Variants in DNAI2 observed in about 807,000 individuals in gnomAD.
DNAI2 encodes dynein, axonemal, intermediate polypeptide 2.
DNAI2 carries 63 observed loss-of-function variants against 74.7 expected under a neutral mutation model. The observed-to-expected ratio is 0.84, with a 90% confidence interval of 0.69 to 1.04. The LOEUF (loss-of-function observed/expected upper bound fraction) is 1.04, where lower values mean the gene tolerates loss of function less well. Ranked by LOEUF, DNAI2 falls within the 50% of genes least tolerant of loss-of-function variation. The pLI is 0.00. For synonymous variants in DNAI2, 289 were observed against 314.9 expected, an observed-to-expected ratio of 0.92 and a Z score of 0.87; for missense variants, 688 against 803.2, an observed-to-expected ratio of 0.86 and a Z score of 1.73.
At chr17:74,289,010 G>A (rs1361175748) in intron 4 of DNAI2, among the ~76,000 whole-genome samples, 1 of 152,218 alleles carries the variant, frequency 6.6e-6, no homozygotes, top group Non-Finnish European at 1.5e-5. Context: ...TACCACGACT[G>A]ACTTAGGGGC....
In DNAI2 at chr17:74,314,010, C is replaced by T. The variant is rs2053682946; in HGVS notation, c.1723-111C>T. The stretch of plus-strand genomic sequence containing the variant: ...CCGGGTTCCAGGGTGCTCAGCGACC[C>T]AGGCTTCAGCCATTTGGCTGCTTTG... On this transcript the variant is annotated intron_variant, in intron 12 of 13. Coordinates refer to ENST00000311014, the MANE Select transcript of DNAI2 (RefSeq NM_023036.6). The T allele has an allele frequency of 6.3e-6, 10 of 1,584,258 alleles. No individual in the cohort carries two copies. The Admixed American group carries it at 1.2e-4, about 19-fold the overall frequency.
Position 74,313,635 on chromosome 17 carries a change from A to C in DNAI2, c.1723-486A>C, listed in dbSNP as rs927237173. ...AGAAGTTGAGCCTTGGAAGGGGTTC[A>C]GGTTCACAGAACTTGGCCCCTTCCT... is the stretch of plus-strand genomic sequence containing the variant. On this transcript the variant is annotated intron_variant, in intron 12 of 13. Transcript: ENST00000311014. Among the ~76,000 whole-genome samples, 10 of 152,246 alleles carry C rather than the reference A, an allele frequency of 6.6e-5. 1 individual carries two copies. The highest frequency in any genetic ancestry group is 2.4e-4 in the African/African-American group (10 of 41,474).
intron 4 of DNAI2, among the ~76,000 whole-genome samples, chr17:74,288,895 G>A (rs1270132767): frequency 6.6e-6 from 1 of 152,166 alleles, no homozygotes; most frequent in Non-Finnish European, 1.5e-5. Context: ...CTGTGGACCT[G>A]GGGCAGAGGA....
chr17:74,303,837 G>T (rs1598326212), intron 8 of DNAI2, among the ~76,000 whole-genome samples: 1 of 152,036 alleles, frequency 6.6e-6, no homozygotes, highest in Non-Finnish European at 1.5e-5. Flanking sequence ...AAATAAAAAA[G>T]CTGGGGGGCC....
chr17:74,304,186 CTTTTTTTTTTT>C (rs56696514), intron 8 of DNAI2, among the ~76,000 whole-genome samples: 7 of 67,630 alleles, frequency 1.0e-4, no homozygotes, highest in Admixed American at 7.9e-4. Context: ...TTTCTTTTTT[CTTTTTTTTTTT>C]TTTTTTTTTT....
intron 12 of DNAI2, among the ~76,000 whole-genome samples, chr17:74,312,931 G>A (rs1186918823): frequency 6.6e-6 from 1 of 152,206 alleles, no homozygotes; most frequent in Non-Finnish European, 1.5e-5. Context: ...AAGAGCCAAA[G>A]AGCAGCGTGG....
intron 12 of DNAI2, 46 bp from the exon 13 acceptor site, chr17:74,314,075 C>T (rs759710323): frequency 1.2e-6 from 2 of 1,611,788 alleles, no homozygotes; most frequent in South Asian, 2.2e-5. Context: ...TGGGGAAGGC[C>T]TGTCCCCTAC....
rs745715756 is a variant in DNAI2 at position 74,301,202 on chromosome 17, C to T, written c.987+34C>T. The T allele has an allele frequency of 3.7e-6, 6 of 1,611,688 alleles. No individual in the cohort carries two copies. In the African/African-American group the frequency reaches 8.0e-5, roughly 22 times the overall value. On this transcript the variant is annotated intron_variant, in intron 8 of 13. Transcript: ENST00000311014. ...CCCTTGCTGTCCCTTCCCCGACTTG[C>T]ATTGACAGGGCAGCCAGGGCTAAAG... is the stretch of plus-strand genomic sequence containing the variant.
chr17:74,309,697 G>T (rs949697219), intron 10 of DNAI2: 12 of 644,670 alleles, frequency 1.9e-5, no homozygotes, highest in Middle Eastern at 4.0e-4. Context: ...AGCCCCTGGG[G>T]TTTGGCTGCT....
intron 6 of DNAI2, among the ~76,000 whole-genome samples, chr17:74,297,542 T>A (rs1454469666): frequency 6.6e-6 from 1 of 151,840 alleles, no homozygotes; most frequent in African/African-American, 2.4e-5. Context: ...CCACCACGCC[T>A]GGCTAATTTT....
At chr17:74,287,424 C>A (rs865867411) in intron 4 of DNAI2, among the ~76,000 whole-genome samples, 53 of 152,318 alleles carry the variant, frequency 3.5e-4, no homozygotes, top group African/African-American at 1.2e-3. Flanking sequence ...AGGCCCCCGC[C>A]GCGGCCTGCA....
chr17:74,307,650 G>A (rs1233511398), intron 9 of DNAI2, among the ~76,000 whole-genome samples: 4 of 151,560 alleles, frequency 2.6e-5, no homozygotes, highest in African/African-American at 9.7e-5. Context: ...GCGACAGAGT[G>A]AGACTCCGTC....
In DNAI2 at chr17:74,310,081, C is replaced by T. The variant is rs914782485; in HGVS notation, c.1412C>T (p.Ser471Phe). 9 of 1,613,910 alleles carry T rather than the reference C, an allele frequency of 5.6e-6. No homozygotes were observed. Among genetic ancestry groups the T allele is most frequent in the Non-Finnish European group, 6.8e-6 (8 of 1,180,040 alleles). ...QDNGCLIACG[S>F]QLGTTTLLEV... ...AATGGGTGTCTCATCGCCTGCGGCTCCCAGCTGGGGACAACCACCCTGCTG... is the reference window on the plus strand; with the variant it reads ...AATGGGTGTCTCATCGCCTGCGGCTTCCAGCTGGGGACAACCACCCTGCTG... The change falls in exon 11 of 14, where the codon TCC becomes TTC. Residue 471 changes from serine to phenylalanine, a missense_variant. Coordinates refer to ENST00000311014, the MANE Select transcript of DNAI2 (RefSeq NM_023036.6).
chr17:74,287,091 G>A lies in DNAI2; in HGVS notation c.460G>A (p.Val154Met), dbSNP rs1598283626. The A allele has an allele frequency of 6.2e-7, 1 of 1,613,862 alleles. No homozygotes were observed. The highest frequency in any genetic ancestry group is 2.2e-5 in the East Asian group (1 of 44,862). The stretch of plus-strand genomic sequence containing the variant: ...GGACCCTTCAGCTAAAACCATCAAT[G>A]TGTTCAGGTAGCGCCATAGCCAGGC... ...EEDPSAKTIN[V>M]FRDPQEIKRA... Residue 154 changes from valine (V) to methionine (M), a missense_variant, in exon 4 of 14, where the codon GTG becomes ATG. Physicochemically the swap from Val to Met is conservative, Grantham distance 21. Transcript: ENST00000311014.
chr17:74,292,564 G>A (rs540243142), intron 6 of DNAI2, among the ~76,000 whole-genome samples: 1 of 151,590 alleles, frequency 6.6e-6, no homozygotes, highest in Non-Finnish European at 1.5e-5. Flanking sequence ...CTACAGGCAT[G>A]TGCCACCACA....
intron 1 of DNAI2, among the ~76,000 whole-genome samples, chr17:74,274,988 G>A (rs540274408): frequency 1.3e-5 from 2 of 152,296 alleles, no homozygotes; most frequent in Non-Finnish European, 2.9e-5. Flanking sequence ...GACCCTATGT[G>A]TTTTCCTCTC....
intron 2 of DNAI2, among the ~76,000 whole-genome samples, chr17:74,283,859 C>T (rs1001313084): frequency 5.9e-5 from 9 of 152,056 alleles, no homozygotes; most frequent in East Asian, 1.9e-4. Flanking sequence ...CTGTACTGGC[C>T]GGGCGCAGTG....
At chr17:74,312,342 C>T in intron 12 of DNAI2, 112 bp downstream of exon 12, 5 of 765,260 alleles carry the variant, frequency 6.5e-6, no homozygotes, top group Non-Finnish European at 1.1e-5. Context: ...GTAGTCTTAC[C>T]TGCTAGATCT....
intron 8 of DNAI2, among the ~76,000 whole-genome samples, chr17:74,304,197 T>TC (rs1422471509): frequency 0.017 from 2,137 of 128,750 alleles, 52 homozygotes; most frequent in African/African-American, 0.063. Context: ...TTTTTTTTTT[T>TC]TTTTTTTTTT....
Sources: gnomAD v4.1 joint callset for allele counts (sites outside exome capture counted in the v4.1 genomes callset) on GRCh38, gnomAD v4.1.1 for gene constraint, MANE v1.5 for transcripts, NCBI Gene and HGNC (gene_info 2026-07-23, HGNC 2026-07-21) for gene names.